Variants in SUGP1 observed in about 807,000 individuals in gnomAD.
SUGP1 encodes the protein SURP and G-patch domain-containing protein 1.
A neutral mutation model predicts 76.5 loss-of-function variants in SUGP1; 34 were observed. The observed-to-expected ratio is 0.44, with a 90% confidence interval of 0.34 to 0.59. The LOEUF (loss-of-function observed/expected upper bound fraction) is 0.59. Ranked by LOEUF, SUGP1 falls within the 20% of genes least tolerant of loss-of-function variation. The pLI is 0.01. For synonymous variants in SUGP1, 326 were observed against 326.2 expected (o/e 1.00, Z 0.01); for missense variants, 752 against 851.7 (o/e 0.88, Z 1.46).
intron 2 of SUGP1, among the ~76,000 whole-genome samples, chr19:19,313,813 G>A (rs979547863): frequency 1.1e-4 from 17 of 152,054 alleles, no homozygotes; most frequent in African/African-American, 3.9e-4. Context: ...GACTAGCCTG[G>A]TCAACATAGT....
At chr19:19,304,979 T>G (rs1412686083) in intron 4 of SUGP1, among the ~76,000 whole-genome samples, 2 of 152,156 alleles carry the variant, frequency 1.3e-5, no homozygotes, top group Non-Finnish European at 2.9e-5. Context: ...TGGGTCATAA[T>G]GGGCTTCAAG....
intron 8 of SUGP1, among the ~76,000 whole-genome samples, chr19:19,288,548 G>C (rs1157658523): frequency 6.6e-6 from 1 of 151,856 alleles, no homozygotes; most frequent in Non-Finnish European, 1.5e-5. Context: ...CTTGAGCTCA[G>C]TTTTGAAACC....
rs375763848 is a variant in SUGP1, at chr19:19,280,160, C to T, written c.1350+25G>A. 59 of 1,607,658 alleles carry T rather than the reference C, an allele frequency of 3.7e-5. 1 individual carries two copies. In the South Asian group the frequency reaches 4.1e-4, roughly 11 times the overall value. Reference sequence around the variant, plus strand: ...ACTCTATGGGCGCCGACCATGTCCCCGTCCCCTTGTCCCCGCAGTCTTACC... The same window carrying T: ...ACTCTATGGGCGCCGACCATGTCCCTGTCCCCTTGTCCCCGCAGTCTTACC... On this transcript the variant is annotated intron_variant, in intron 9 of 13. Transcript: ENST00000247001.
intron 1 of SUGP1, among the ~76,000 whole-genome samples, chr19:19,316,872 T>C (rs1276730759): frequency 2.0e-5 from 3 of 152,132 alleles, no homozygotes; most frequent in African/African-American, 7.2e-5. Context: ...GTGCAGAGGC[T>C]CATGCCTGCA....
intron 8 of SUGP1, among the ~76,000 whole-genome samples, chr19:19,288,482 T>C (rs889683556): frequency 2.0e-5 from 3 of 152,184 alleles, no homozygotes; most frequent in South Asian, 2.1e-4. Context: ...AGGCTATTAG[T>C]AGTTAAGTTT....
intron 3 of SUGP1, among the ~76,000 whole-genome samples, chr19:19,308,167 G>T (rs955207628): frequency 1.3e-5 from 2 of 151,986 alleles, no homozygotes; most frequent in South Asian, 4.2e-4. Flanking sequence ...ATTAGTTGGG[G>T]TTAAAGTTAT....
chr19:19,307,768 A>T (rs750202961), intron 3 of SUGP1, among the ~76,000 whole-genome samples: 1 of 151,420 alleles, frequency 6.6e-6, no homozygotes, highest in Non-Finnish European at 1.5e-5. Flanking sequence ...AGGTTCGTGC[A>T]ATCCTCCCAC....
At chr19:19,286,991 T>C (rs1259688674) in intron 8 of SUGP1, among the ~76,000 whole-genome samples, 4 of 150,586 alleles carry the variant, frequency 2.7e-5, no homozygotes, top group Admixed American at 1.3e-4. Context: ...AACAACAAAA[T>C]AGGCCGGGCA....
intron 2 of SUGP1, among the ~76,000 whole-genome samples, chr19:19,310,913 GAT>G (rs1428349256): frequency 6.6e-6 from 1 of 152,166 alleles, no homozygotes; most frequent in Non-Finnish European, 1.5e-5. Context: ...AAGGTGTTGG[GAT>G]TACAGGTGTG....
At chr19:19,295,649 G>C (rs1013876034) in intron 8 of SUGP1, among the ~76,000 whole-genome samples, 5 of 149,608 alleles carry the variant, frequency 3.3e-5, no homozygotes, top group African/African-American at 1.2e-4. Flanking sequence ...GGCAGAGGTT[G>C]CAGTGAGCTG....
rs1599869689 is a variant in SUGP1 at position 19,310,478 on chromosome 19, G to A, written c.207-278C>T. ...CTCTGCCTGAATATTAACCCTCCAG[G>A]TCCAAATGGCCCTCCAACAAGATGG... On this transcript the variant is annotated intron_variant, in intron 2 of 13. Coordinates refer to ENST00000247001, the MANE Select transcript of SUGP1 (RefSeq NM_172231.4). Among the ~76,000 whole-genome samples the A allele has an allele frequency of 2.0e-5, 3 of 152,260 alleles. No individual in the cohort carries two copies. The East Asian group carries it at 5.8e-4, about 29-fold the overall frequency.
At chr19:19,309,121 C>T (rs2061336635) in intron 3 of SUGP1, among the ~76,000 whole-genome samples, 1 of 152,102 alleles carries the variant, frequency 6.6e-6, no homozygotes, top group African/African-American at 2.4e-5. Flanking sequence ...CCTGTCTCGG[C>T]CTCCCAAAGT....
chr19:19,299,734 T>G (rs1009354078), intron 7 of SUGP1, among the ~76,000 whole-genome samples: 3 of 151,762 alleles, frequency 2.0e-5, no homozygotes, highest in Admixed American at 2.0e-4. Context: ...CCAGGATGTA[T>G]CTCAGAAATG....
Position 19,280,594 on chromosome 19 carries a change from G to A in SUGP1, c.1244-303C>T, listed in dbSNP as rs190969558. ...ACTCACTCAGGGTCACACAGCTAAC[G>A]AGTGACAGGGCAGGAATTTGCAGAG... On this transcript the variant is annotated intron_variant, in intron 8 of 13. Transcript: ENST00000247001. The A allele has an allele frequency of 1.8e-4, 62 of 335,526 alleles. No individual in the cohort carries two copies. In the East Asian group the frequency reaches 3.2e-3, roughly 17 times the overall value. 20.8% of individuals were successfully genotyped at this position (335,526 alleles called of 1,614,324 possible). A position where few individuals can be genotyped will look rare whatever the true frequency, so the allele number is the denominator to read the frequency against.
At chr19:19,289,229 G>A (rs904336508) in intron 8 of SUGP1, among the ~76,000 whole-genome samples, 1 of 152,104 alleles carries the variant, frequency 6.6e-6, no homozygotes, top group African/African-American at 2.4e-5. Flanking sequence ...AAAAGGTACA[G>A]TAAAAATACT....
At chr19:19,313,021 T>TA (rs573272638) in intron 2 of SUGP1, among the ~76,000 whole-genome samples, 42 of 148,936 alleles carry the variant, frequency 2.8e-4, no homozygotes, top group East Asian at 5.9e-4. Flanking sequence ...AATAAATAAA[T>TA]AAAAAAAAAC....
chr19:19,316,327 A>T, intron 2 of SUGP1, 95 bp downstream of exon 2: 1 of 1,472,380 alleles, frequency 6.8e-7, no homozygotes, highest in Non-Finnish European at 9.2e-7. Context: ...GGCTGGGTGC[A>T]AGCACATGCT....
chr19:19,289,816 A>G (rs1445659879), intron 8 of SUGP1, among the ~76,000 whole-genome samples: 1 of 152,220 alleles, frequency 6.6e-6, no homozygotes, highest in Non-Finnish European at 1.5e-5. Context: ...GGTTCCGGAC[A>G]GCAGAACTCA....
At chr19:19,278,590 G>C (rs915805219) in intron 11 of SUGP1, 100 bp downstream of exon 11, 2 of 1,020,548 alleles carry the variant, frequency 2.0e-6, no homozygotes, top group Non-Finnish European at 3.0e-6. Context: ...TGCTGTGATC[G>C]AGAGGGTAGC....
Sources: gnomAD v4.1 joint callset for allele counts (sites outside exome capture counted in the v4.1 genomes callset) on GRCh38, gnomAD v4.1.1 for gene constraint, MANE v1.5 for transcripts, NCBI Gene and HGNC (gene_info 2026-07-23, HGNC 2026-07-21) for gene names.